Variants in PRPSAP1 observed in about 807,000 individuals in gnomAD.
PRPSAP1 encodes phosphoribosyl pyrophosphate synthetase associated protein 1, also known as phosphoribosyl pyrophosphate synthase-associated protein 1.
Under a neutral mutation model 39.4 loss-of-function variants are expected in PRPSAP1, and 31 were observed. The ratio of observed to expected loss-of-function variants is 0.79; its 90% confidence interval spans 0.59 to 1.06. The LOEUF (loss-of-function observed/expected upper bound fraction) is 1.06, where lower values mean the gene tolerates loss of function less well. PRPSAP1 is among the 50% of genes least tolerant of loss of function. The pLI is 0.00. For missense variants in PRPSAP1, 430 were observed against 511.6 expected (o/e 0.84, Z 1.54); for synonymous variants, 212 against 192.6 (o/e 1.10, Z -0.83).
At chr17:76,316,784 TGAAG>T (rs1466640170) in intron 7 of PRPSAP1, among the ~76,000 whole-genome samples, 2 of 152,214 alleles carry the variant, frequency 1.3e-5, no homozygotes, top group Non-Finnish European at 1.5e-5. Context: ...AATGCTCTTA[TGAAG>T]GATGTAGGAA....
chr17:76,326,994 G>A (rs2071262042), intron 7 of PRPSAP1, among the ~76,000 whole-genome samples: 1 of 152,032 alleles, frequency 6.6e-6, no homozygotes, highest in African/African-American at 2.4e-5. Context: ...AGCATATGCT[G>A]GAAATCTGTA....
intron 3 of PRPSAP1, among the ~76,000 whole-genome samples, chr17:76,341,239 T>G (rs1015847459): frequency 1.4e-3 from 48 of 33,612 alleles, no homozygotes; most frequent in East Asian, 5.4e-3. Flanking sequence ...TTTTTGTTTT[T>G]TTTTTTTTTT....
chr17:76,313,970 G>C, intron 7 of PRPSAP1, 79 bp from the exon 8 acceptor site: 1 of 1,492,176 alleles, frequency 6.7e-7, no homozygotes, highest in Non-Finnish European at 9.2e-7. Context: ...TAATTCCCTG[G>C]AAATGGTGGC....
intron 3 of PRPSAP1, among the ~76,000 whole-genome samples, chr17:76,340,328 GGTAA>G (rs889191783): frequency 4.0e-5 from 6 of 151,548 alleles, no homozygotes; most frequent in East Asian, 1.9e-4. Flanking sequence ...TGAGAAAAAC[GGTAA>G]GTGTTTCCCA....
chr17:76,312,306 C>T (rs1257192149), intron 9 of PRPSAP1, among the ~76,000 whole-genome samples: 3 of 151,884 alleles, frequency 2.0e-5, no homozygotes, highest in South Asian at 4.2e-4. Flanking sequence ...GCCTGGTGGC[C>T]GGCGCGTGTA....
chr17:76,347,017 C>A lies in PRPSAP1; in HGVS notation c.223+1512G>T, dbSNP rs79513072. ...TACAACAACAAGGCCAGCAAACCCT[C>A]CGGGCCCAATATGCCAGAGACGCTA... On this transcript the variant is annotated intron_variant, in intron 2 of 9. Transcript: ENST00000446526. 9.9e-3 allele frequency among the ~76,000 whole-genome samples: 1,503 copies of A among 152,168 alleles called. 30 individuals are homozygous for A. The highest frequency in any genetic ancestry group is 0.034 in the African/African-American group (1,396 of 41,510).
chr17:76,328,567 C>A, intron 7 of PRPSAP1, 150 bp downstream of exon 7: 1 of 1,004,828 alleles, frequency 1.0e-6, no homozygotes, highest in Non-Finnish European at 1.4e-6. Context: ...CAAGATCACG[C>A]CACTGCACTC....
At chr17:76,347,596 T>TTCTTACTC (rs2071523679) in intron 2 of PRPSAP1, among the ~76,000 whole-genome samples, 1 of 151,850 alleles carries the variant, frequency 6.6e-6, no homozygotes. Context: ...TGGATTTCAT[T>TTCTTACTC]TCTTACTCGC....
rs368142340 is a variant in PRPSAP1, at chr17:76,339,695, C to T, written c.290+4976G>A. Among the ~76,000 whole-genome samples, 66 of 151,782 alleles carry T rather than the reference C, an allele frequency of 4.3e-4. 3 individuals carry two copies. Among genetic ancestry groups the T allele is most frequent in the African/African-American group, 1.6e-3 (65 of 41,112 alleles). On this transcript the variant is annotated intron_variant, in intron 3 of 9. Coordinates refer to ENST00000446526, the MANE Select transcript of PRPSAP1 (RefSeq NM_002766.3). The stretch of plus-strand genomic sequence containing the variant: ...GAGGGTTCTGGTTTTCAGAAGTACC[C>T]ATTTATACCTATGTGCCTTTTTCAA...
chr17:76,321,995 C>A (rs936264990), intron 7 of PRPSAP1, among the ~76,000 whole-genome samples: 5 of 152,170 alleles, frequency 3.3e-5, no homozygotes, highest in African/African-American at 7.2e-5. Flanking sequence ...AGGAAAGAAG[C>A]CGTTTCCGTG....
chr17:76,353,992 G>A (rs1272578712), upstream of PRPSAP1: 14 of 1,259,884 alleles, frequency 1.1e-5, no homozygotes, highest in Non-Finnish European at 1.4e-5. Context: ...GATGAGGGCA[G>A]GGAGCCTGGC....
At chr17:76,320,273 G>GAAAGAAAGA (rs71161280) in intron 7 of PRPSAP1, among the ~76,000 whole-genome samples, 1 of 31,240 alleles carries the variant, frequency 3.2e-5, no homozygotes, top group East Asian at 7.5e-4. Context: ...AGAAAAGAAA[G>GAAAGAAAGA]AAAGAAAGAA....
chr17:76,345,975 C>A, intron 2 of PRPSAP1: 2 of 471,324 alleles, frequency 4.2e-6, no homozygotes, highest in Non-Finnish European at 8.4e-6. Context: ...AAAAAGGCCA[C>A]TGCAAAGAAG....
intron 6 of PRPSAP1, chr17:76,329,074 A>ATT (rs147960025): frequency 4.7e-3 from 1,693 of 359,890 alleles, no homozygotes; most frequent in Middle Eastern, 9.6e-3. Context: ...GATTCTAGAC[A>ATT]TTTTTTTTTT....
intron 7 of PRPSAP1, among the ~76,000 whole-genome samples, chr17:76,320,403 A>G (rs1342902489): frequency 7.2e-6 from 1 of 138,494 alleles, no homozygotes; most frequent in East Asian, 2.3e-4. Context: ...ACTTTGCTTT[A>G]TGTTGCTTTG....
intron 7 of PRPSAP1, among the ~76,000 whole-genome samples, chr17:76,315,183 G>A (rs987047104): frequency 1.3e-5 from 2 of 152,162 alleles, no homozygotes; most frequent in African/African-American, 4.8e-5. Context: ...GTGTACAAAG[G>A]AAACTACAGG....
chr17:76,311,774 A>G, intron 9 of PRPSAP1, 74 bp from the exon 10 acceptor site: 1 of 1,502,196 alleles, frequency 6.7e-7, no homozygotes, highest in Non-Finnish European at 9.0e-7. Context: ...AGAAAAGCTT[A>G]TCTAACATTG....
chr17:76,353,991 A>G (rs1047986776), upstream of PRPSAP1: 11 of 1,259,582 alleles, frequency 8.7e-6, no homozygotes, highest in African/African-American at 3.2e-5. Flanking sequence ...GGATGAGGGC[A>G]GGGAGCCTGG....
At chr17:76,340,599 A>C (rs1427771520) in intron 3 of PRPSAP1, among the ~76,000 whole-genome samples, 1 of 150,596 alleles carries the variant, frequency 6.6e-6, no homozygotes, top group Non-Finnish European at 1.5e-5. Context: ...AGTTTGAAAT[A>C]ACCATGAACG....
Sources: gnomAD v4.1 joint callset for allele counts (sites outside exome capture counted in the v4.1 genomes callset) on GRCh38, gnomAD v4.1.1 for gene constraint, MANE v1.5 for transcripts, NCBI Gene and HGNC (gene_info 2026-07-23, HGNC 2026-07-21) for gene names.